The following RABGEF1 variants were observed in gnomAD, a reference collection of about 807,000 sequenced individuals.
The protein encoded by RABGEF1 is RAB guanine nucleotide exchange factor 1, also known as rab5 GDP/GTP exchange factor.
In RABGEF1, 26 loss-of-function variants were observed where a neutral mutation model predicts 57.3. That is an observed-to-expected ratio of 0.45 (90% CI 0.33 to 0.63). The LOEUF (loss-of-function observed/expected upper bound fraction) is 0.63. Ranked by LOEUF, RABGEF1 falls within the 20% of genes least tolerant of loss-of-function variation. The pLI, the probability that RABGEF1 is intolerant of heterozygous loss-of-function variation, is 0.02. For synonymous variants in RABGEF1, 185 were observed against 210.7 expected (o/e 0.88, Z 1.06); for missense variants, 464 against 607.6 (o/e 0.76, Z 2.48).
upstream of RABGEF1, among the ~76,000 whole-genome samples, chr7:66,680,764 T>C (rs1367845252): frequency 2.0e-5 from 3 of 151,924 alleles, no homozygotes; most frequent in Non-Finnish European, 4.4e-5. Context: ...CTGGCCAATA[T>C]GATGAAACCC....
rs565947606 is a variant in RABGEF1, at chr7:66,756,210, C to G, written c.-18+15418C>G. ...AATAAATATCTCTAAAGATGGCTAA[C>G]CTTAGGGAAATGCACGTTAAATGAT... On this transcript the variant is annotated intron_variant, in intron 1 of 8. Transcript: ENST00000284957. 3.6e-4 allele frequency: 204 copies of G among 564,522 alleles called. 1 individual carries two copies. The African/African-American group carries it at 3.7e-3, about 10-fold the overall frequency. 35.0% of individuals were successfully genotyped at this position (564,522 alleles called of 1,614,324 possible).
chr7:66,740,591 AT>A (rs1798669505), upstream of RABGEF1: 1 of 152,530 alleles, frequency 6.6e-6, no homozygotes, highest in South Asian at 2.1e-4. Flanking sequence ...GACCCTTTGG[AT>A]CCACTCGCAC....
Position 66,795,608 on chromosome 7 carries a change from A to G in RABGEF1, c.595+16A>G. 1 of 1,576,138 alleles carries G rather than the reference A, an allele frequency of 6.3e-7. No individual in the cohort carries two copies. Among genetic ancestry groups the G allele is most frequent in the South Asian group, 1.1e-5 (1 of 90,302 alleles). ...CGTGGGAAAGGTAACACTGTTAGCC[A>G]TTGAGAGATTGCGGGTATTGCACAG... On this transcript the variant is annotated intron_variant, in intron 5 of 8. Coordinates refer to ENST00000284957, the MANE Select transcript of RABGEF1 (RefSeq NM_014504.3).
chr7:66,788,769 CAT>C (rs1811847973), intron 4 of RABGEF1, among the ~76,000 whole-genome samples: 1 of 151,960 alleles, frequency 6.6e-6, no homozygotes, highest in Non-Finnish European at 1.5e-5. Context: ...ACCTGGCCAA[CAT>C]AGTGAAATCC....
the RABGEF1 span, among the ~76,000 whole-genome samples, chr7:66,673,611 A>C: frequency 6.6e-6 from 1 of 151,368 alleles, no homozygotes; most frequent in Non-Finnish European, 1.5e-5. Context: ...AGCGAGTGTT[A>C]GCTGGTGTTG....
the RABGEF1 span, among the ~76,000 whole-genome samples, chr7:66,655,227 G>T: frequency 6.6e-6 from 1 of 152,214 alleles, no homozygotes; most frequent in South Asian, 2.1e-4. Flanking sequence ...CAGGGCTGGG[G>T]TTAGGAGCAG....
chr7:66,797,919 G>T (rs1368726351), intron 6 of RABGEF1, among the ~76,000 whole-genome samples: 1 of 152,082 alleles, frequency 6.6e-6, no homozygotes. Context: ...GAGTTCAAGA[G>T]TAGCCCAGGC....
chr7:66,747,888 C>A (rs890707130), intron 1 of RABGEF1, among the ~76,000 whole-genome samples: 2 of 151,954 alleles, frequency 1.3e-5, no homozygotes, highest in Admixed American at 1.3e-4. Context: ...TACAAAGATA[C>A]GTGCGACATA....
intron 1 of RABGEF1, among the ~76,000 whole-genome samples, chr7:66,696,488 G>C (rs1011468297): frequency 1.3e-5 from 2 of 151,972 alleles, no homozygotes; most frequent in African/African-American, 4.8e-5. Context: ...TCAGGAGTTT[G>C]AGACCAGCCT....
chr7:66,793,526 A>C (rs752478094), intron 4 of RABGEF1, among the ~76,000 whole-genome samples: 3 of 152,218 alleles, frequency 2.0e-5, no homozygotes, highest in South Asian at 2.1e-4. Context: ...AGTAATAATC[A>C]CAAGAATGAA....
chr7:66,762,781 G>A (rs1804763943), intron 1 of RABGEF1, among the ~76,000 whole-genome samples: 1 of 152,010 alleles, frequency 6.6e-6, no homozygotes, highest in South Asian at 2.1e-4. Context: ...GGTCCAATAC[G>A]GAGATGAGGG....
intron 1 of RABGEF1, among the ~76,000 whole-genome samples, chr7:66,703,024 A>G (rs1000848321): frequency 3.3e-5 from 5 of 152,116 alleles, no homozygotes; most frequent in African/African-American, 4.8e-5. Flanking sequence ...CCCAGGCTGG[A>G]GGGCAGTGGT....
the RABGEF1 span, among the ~76,000 whole-genome samples, chr7:66,655,048 T>C: frequency 0.66 from 100,339 of 152,130 alleles, 33,485 homozygotes; most frequent in African/African-American, 0.76. Flanking sequence ...ATGACCTCTC[T>C]GGAACGCGCC....
intron 1 of RABGEF1, among the ~76,000 whole-genome samples, chr7:66,687,868 T>G (rs1790919035): frequency 6.6e-6 from 1 of 152,180 alleles, no homozygotes; most frequent in South Asian, 2.1e-4. Flanking sequence ...GGCAGATCCC[T>G]TGAGGTCGGG....
intron 5 of RABGEF1, 133 bp from the exon 6 acceptor site, chr7:66,797,241 T>A: frequency 3.3e-6 from 3 of 897,662 alleles, no homozygotes. Flanking sequence ...GAGGTGGAGG[T>A]TTCAGTGAGC....
chr7:66,667,769 A>G, the RABGEF1 span, among the ~76,000 whole-genome samples: 1 of 152,148 alleles, frequency 6.6e-6, no homozygotes, highest in Non-Finnish European at 1.5e-5. Context: ...AAGAAGTTCC[A>G]TTATCCCATT....
At chr7:66,699,257 ATTC>A (rs751392276) in intron 1 of RABGEF1, among the ~76,000 whole-genome samples, 1 of 152,172 alleles carries the variant, frequency 6.6e-6, no homozygotes, top group Non-Finnish European at 1.5e-5. Context: ...CGGGGCATAC[ATTC>A]TTCTTTTTCT....
intron 3 of RABGEF1, among the ~76,000 whole-genome samples, chr7:66,781,037 G>A (rs912026150): frequency 6.6e-5 from 10 of 152,032 alleles, no homozygotes; most frequent in Non-Finnish European, 1.0e-4. Context: ...TATATTTAAT[G>A]TGATTTTTGA....
At chr7:66,655,607 C>T in the RABGEF1 span, among the ~76,000 whole-genome samples, 5 of 152,146 alleles carry the variant, frequency 3.3e-5, no homozygotes, top group Non-Finnish European at 5.9e-5. Flanking sequence ...TGGCCTTAAG[C>T]GATCCTCCCG....
Sources: allele counts gnomAD v4.1 joint callset (sites outside exome capture counted in the v4.1 genomes callset), GRCh38; gene constraint gnomAD v4.1.1; transcripts MANE v1.5; gene names NCBI Gene and HGNC (gene_info 2026-07-23, HGNC 2026-07-21).